Variants in SKP2 observed in about 807,000 individuals in gnomAD.
The protein encoded by SKP2 is S-phase kinase-associated protein 2.
In SKP2, 16 loss-of-function variants were observed where a neutral mutation model predicts 51.8. The ratio of observed to expected loss-of-function variants is 0.31; its 90% confidence interval spans 0.21 to 0.47. The LOEUF is 0.47. Ranked by LOEUF, SKP2 falls within the 20% of genes least tolerant of loss-of-function variation. The probability of loss-of-function intolerance (pLI) is 1.00; values close to 1 mark genes in which losing one functional copy is unlikely to be tolerated. For synonymous variants in SKP2, 176 were observed against 198.6 expected (o/e 0.89, Z 0.96); for missense variants, 377 against 505.3 (o/e 0.75, Z 2.43).
chr5:36,191,659 T>C (rs1178345992), intron 6 of SKP2, among the ~76,000 whole-genome samples: 1 of 152,096 alleles, frequency 6.6e-6, no homozygotes. Flanking sequence ...ATGTGCAGGA[T>C]ACAACAGCCC....
intron 7 of SKP2, among the ~76,000 whole-genome samples, 186 bp downstream of exon 7, chr5:36,171,919 A>C (rs1459820485): frequency 6.6e-6 from 1 of 152,248 alleles, no homozygotes; most frequent in Non-Finnish European, 1.5e-5. Flanking sequence ...CTAGTGAGCT[A>C]GAGCCAAGGT....
At chr5:36,175,716 T>C (rs1158650132) in intron 7 of SKP2, among the ~76,000 whole-genome samples, 1 of 152,044 alleles carries the variant, frequency 6.6e-6, no homozygotes, top group African/African-American at 2.4e-5. Context: ...ATTGTATATA[T>C]TTTGTTTACA....
intron 2 of SKP2, among the ~76,000 whole-genome samples, chr5:36,162,776 C>A (rs1200148279): frequency 6.7e-6 from 1 of 149,020 alleles, no homozygotes; most frequent in African/African-American, 2.6e-5. Context: ...AAAGACATAC[C>A]CAAGACTGGG....
At chr5:36,168,878 T>A (rs972664870) in intron 5 of SKP2, among the ~76,000 whole-genome samples, 2 of 152,230 alleles carry the variant, frequency 1.3e-5, no homozygotes, top group Non-Finnish European at 2.9e-5. Context: ...ATTAAATGTT[T>A]CAGTGAATAT....
At chr5:36,159,196 G>T (rs935153303) in intron 2 of SKP2, among the ~76,000 whole-genome samples, 2 of 152,180 alleles carry the variant, frequency 1.3e-5, no homozygotes, top group African/African-American at 2.4e-5. Flanking sequence ...AAAGATGGAA[G>T]TTGCAACACA....
At chr5:36,165,719 A>T (rs2362973) in intron 3 of SKP2, among the ~76,000 whole-genome samples, 95,040 of 152,178 alleles carry the variant, frequency 0.62, 34,776 homozygotes, top group Non-Finnish European at 0.82. Context: ...TATTTCAAGC[A>T]CTATTAAAAA....
chr5:36,171,478 G>T, intron 6 of SKP2, 125 bp from the exon 7 acceptor site: 1 of 878,860 alleles, frequency 1.1e-6, no homozygotes. Flanking sequence ...TGTTAGAGAA[G>T]CAGGTGTTCT....
intron 3 of SKP2, among the ~76,000 whole-genome samples, chr5:36,165,805 GAATTA>G (rs1255756068): frequency 6.6e-6 from 1 of 151,916 alleles, no homozygotes; most frequent in Non-Finnish European, 1.5e-5. Flanking sequence ...TTTTTAAATT[GAATTA>G]AACTATGGAT....
intron 2 of SKP2, among the ~76,000 whole-genome samples, chr5:36,160,737 G>C (rs1463170014): frequency 6.6e-6 from 1 of 152,116 alleles, no homozygotes; most frequent in Non-Finnish European, 1.5e-5. Context: ...TTCAATTTGG[G>C]GAGCAGGGCA....
At chr5:36,191,197 T>A (rs968019021) in intron 6 of SKP2, among the ~76,000 whole-genome samples, 1 of 152,114 alleles carries the variant, frequency 6.6e-6, no homozygotes, top group Non-Finnish European at 1.5e-5. Context: ...AGGGGTGATT[T>A]TCCCCCACCC....
chr5:36,153,636 G>T (rs923996746), intron 2 of SKP2, among the ~76,000 whole-genome samples: 1 of 152,068 alleles, frequency 6.6e-6, no homozygotes, highest in African/African-American at 2.4e-5. Flanking sequence ...GTCATTCATC[G>T]CATCTTTCCC....
intron 7 of SKP2, among the ~76,000 whole-genome samples, chr5:36,174,526 A>G (rs1161337418): frequency 1.3e-5 from 2 of 152,106 alleles, no homozygotes; most frequent in South Asian, 4.1e-4. Context: ...CATTTATTAA[A>G]TATTTATTGA....
intron 9 of SKP2, 98 bp downstream of exon 9, chr5:36,177,390 C>T (rs753706288): frequency 5.1e-6 from 4 of 784,484 alleles, no homozygotes; most frequent in African/African-American, 3.4e-5. Context: ...CATATGAAAC[C>T]GAAACATTAG....
intron 6 of SKP2, among the ~76,000 whole-genome samples, chr5:36,192,269 T>TTTAG (rs1237629074): frequency 6.6e-6 from 1 of 152,160 alleles, no homozygotes; most frequent in Non-Finnish European, 1.5e-5. Context: ...TGAACTATTC[T>TTTAG]TTAGTTAGAC....
At chr5:36,157,799 A>G (rs924746425) in intron 2 of SKP2, among the ~76,000 whole-genome samples, 2 of 152,176 alleles carry the variant, frequency 1.3e-5, no homozygotes, top group African/African-American at 2.4e-5. Flanking sequence ...ATTACTTTGG[A>G]TTTTCAGCTT....
In SKP2 at chr5:36,183,846, G is replaced by C; in HGVS notation, c.*1815G>C. On this transcript the variant is annotated 3_prime_UTR_variant, in exon 10 of 10. Transcript: ENST00000274255. ...TTGAAATTATTGTTTACAGATTAGT[G>C]ACAAGAGCTGGGGTTAGGATCCGGT... The C allele has an allele frequency of 1.3e-6, 2 of 1,594,684 alleles. No individual in the cohort carries two copies. Among genetic ancestry groups the C allele is most frequent in the African/African-American group, 1.4e-5 (1 of 73,952 alleles).
intron 7 of SKP2, among the ~76,000 whole-genome samples, chr5:36,175,854 CTG>C (rs1745616446): frequency 1.3e-5 from 2 of 151,924 alleles, no homozygotes; most frequent in African/African-American, 2.4e-5. Flanking sequence ...GCTAATATAA[CTG>C]TTGCCACATT....
intron 7 of SKP2, among the ~76,000 whole-genome samples, chr5:36,172,923 A>G (rs766310827): frequency 3.3e-5 from 5 of 152,170 alleles, no homozygotes; most frequent in Admixed American, 6.5e-5. Flanking sequence ...ATTTATAATT[A>G]CTATTTTAAA....
At chr5:36,186,263 G>A (rs1450338368), downstream of SKP2, among the ~76,000 whole-genome samples, 1 of 152,048 alleles carries the variant, frequency 6.6e-6, no homozygotes, top group Non-Finnish European at 1.5e-5. Flanking sequence ...CTTCCTGATT[G>A]CCCTGGCCAG....
Sources: gnomAD v4.1 joint callset for allele counts (sites outside exome capture counted in the v4.1 genomes callset) on GRCh38, gnomAD v4.1.1 for gene constraint, MANE v1.5 for transcripts, NCBI Gene and HGNC (gene_info 2026-07-23, HGNC 2026-07-21) for gene names.